Variants in FAM13B observed in about 807,000 individuals in gnomAD.
FAM13B encodes family with sequence similarity 13 member B, also known as protein FAM13B.
A neutral mutation model predicts 117.3 loss-of-function variants in FAM13B; 60 were observed. The ratio of observed to expected loss-of-function variants is 0.51; its 90% CI spans 0.42 to 0.63. The LOEUF is 0.63. Among genes scored for constraint, FAM13B ranks in the 30% least tolerant of loss-of-function variants. FAM13B has a pLI of 0.00. For missense variants in FAM13B, 972 were observed against 1,091.9 expected, an observed-to-expected ratio of 0.89 and a Z score of 1.55; for synonymous variants, 332 against 356.1, an observed-to-expected ratio of 0.93 and a Z score of 0.76.
Position 137,939,872 on chromosome 5 carries a change from A to G in FAM13B, c.*353T>C. 1 of 1,331,280 alleles carries G rather than the reference A, an allele frequency of 7.5e-7. No individual in the cohort carries two copies. The highest frequency in any genetic ancestry group is 2.3e-5 in the South Asian group (1 of 44,442). 82.5% of individuals were successfully genotyped at this position (1,331,280 alleles called of 1,614,324 possible). A position where few individuals can be genotyped will look rare whatever the true frequency, so the allele number is the denominator to read the frequency against. On this transcript the variant is annotated 3_prime_UTR_variant, in exon 24 of 24. Coordinates refer to ENST00000689681, the MANE Select transcript of FAM13B (RefSeq NM_001385994.1). The stretch of plus-strand genomic sequence containing the variant: ...CAATTTTCTTCAGTAATGAGAAACA[A>G]AAAGTTGGTAATAACAAAAAGCTTG...
In FAM13B at chr5:138,011,778, C is replaced by T. The variant is rs1012465417; in HGVS notation, c.538G>A (p.Asp180Asn). 11 of 1,609,656 alleles carry T rather than the reference C, an allele frequency of 6.8e-6. No homozygotes were observed. Among genetic ancestry groups the T allele is most frequent in the Non-Finnish European group, 9.3e-6 (11 of 1,178,582 alleles). Residue 180 changes from aspartate (D) to asparagine (N), a missense_variant, in exon 5 of 24, where the codon GAT becomes AAT. Transcript: ENST00000689681. ...TTTTAAACAACTTACTGGAAGACATCTGGACCAAAGACAGCAGCCAAAGAA... is the reference window on the plus strand; with the variant it reads ...TTTTAAACAACTTACTGGAAGACATTTGGACCAAAGACAGCAGCCAAAGAA... ...ANSLAAVFGP[D>N]VFHIYTDVED...
At chr5:138,051,625 G>A (rs4835665) in intron 1 of FAM13B, among the ~76,000 whole-genome samples, 111,983 of 152,058 alleles carry the variant, frequency 0.74, 41,926 homozygotes, top group East Asian at 0.97. Context: ...TGATTGCAAC[G>A]TCTTCATTTT....
At chr5:138,037,190 C>A (rs1194102569), upstream of FAM13B, 1 of 161,180 alleles carries the variant, frequency 6.2e-6, no homozygotes, top group East Asian at 1.8e-4. Flanking sequence ...TGAGAAGTGA[C>A]TGGTATAGAC....
chr5:137,946,342 C>CAAAAAAAAAAAAACAAAAAAAA, intron 18 of FAM13B, 31 bp from the exon 19 acceptor site: 2 of 919,174 alleles, frequency 2.2e-6, no homozygotes, highest in South Asian at 2.2e-5. Flanking sequence ...TAACAAAATA[C>CAAAAAAAAAAAAACAAAAAAAA]AAAAAAAAAA....
At chr5:137,981,408 C>G (rs1775715199) in intron 10 of FAM13B, among the ~76,000 whole-genome samples, 1 of 152,004 alleles carries the variant, frequency 6.6e-6, no homozygotes, top group Non-Finnish European at 1.5e-5. Flanking sequence ...GATCATACCA[C>G]TGCACTCCAG....
In FAM13B at chr5:138,007,280, T is replaced by C. The variant is rs532397700; in HGVS notation, c.691-133A>G. On this transcript the variant is annotated intron_variant, in intron 6 of 23. Transcript: ENST00000689681. Reference sequence around the variant, plus strand: ...CCTCATTTCCTAGGACCAATCTCTCTTATGGAGTAAGTAACTGTCAACTTT... The same window carrying C: ...CCTCATTTCCTAGGACCAATCTCTCCTATGGAGTAAGTAACTGTCAACTTT... 89 of 648,594 alleles carry C rather than the reference T, an allele frequency of 1.4e-4. 1 individual carries two copies. The highest frequency in any genetic ancestry group is 8.3e-4 in the Middle Eastern group (2 of 2,400). 40.2% of individuals were successfully genotyped at this position (648,594 alleles called of 1,614,324 possible).
chr5:138,047,256 C>T (rs1030568306), intron 1 of FAM13B, among the ~76,000 whole-genome samples: 10 of 151,314 alleles, frequency 6.6e-5, no homozygotes, highest in African/African-American at 2.2e-4. Context: ...CCTGTAATCT[C>T]AGCACTTTGG....
intron 22 of FAM13B, chr5:137,942,593 C>A (rs1029511123): frequency 1.4e-5 from 5 of 351,856 alleles, no homozygotes; most frequent in Non-Finnish European, 2.0e-5. Flanking sequence ...GAACTCCTGG[C>A]CTCAAGGGAT....
intron 4 of FAM13B, among the ~76,000 whole-genome samples, chr5:138,016,950 T>G (rs1785403337): frequency 6.6e-6 from 1 of 152,190 alleles, no homozygotes; most frequent in Admixed American, 6.5e-5. Context: ...AAATGCAAAA[T>G]GCTTATTATG....
intron 10 of FAM13B, among the ~76,000 whole-genome samples, chr5:137,981,224 C>T (rs1775653694): frequency 6.6e-6 from 1 of 151,720 alleles, no homozygotes; most frequent in African/African-American, 2.4e-5. Flanking sequence ...AGGCATGAGC[C>T]ACTGTGAGTA....
chr5:137,939,948 A>G lies in FAM13B; in HGVS notation c.*277T>C. The G allele has an allele frequency of 1.4e-6, 2 of 1,379,910 alleles. No individual in the cohort carries two copies. The highest frequency in any genetic ancestry group is 6.7e-5 in the Admixed American group (2 of 29,992). The allele number at this position is 1,379,910 out of a possible 1,614,324, so 85.5% of individuals were successfully genotyped here. Reference sequence around the variant, plus strand: ...AGGATAAAATTCCAGTCTTTTGCTAAAAGGATGTATCTGTAGTACAAAACA... The same window carrying G: ...AGGATAAAATTCCAGTCTTTTGCTAGAAGGATGTATCTGTAGTACAAAACA... On this transcript the variant is annotated 3_prime_UTR_variant, in exon 24 of 24. Transcript: ENST00000689681.
upstream of FAM13B, chr5:138,033,123 C>G (rs1581318651): frequency 7.3e-4 from 68 of 92,914 alleles, no homozygotes; most frequent in Non-Finnish European, 1.3e-3. Flanking sequence ...TGGGAGGGGG[C>G]GGGGCAGGCC....
chr5:137,991,948 G>T (rs1345777475), intron 7 of FAM13B, among the ~76,000 whole-genome samples: 1 of 152,068 alleles, frequency 6.6e-6, no homozygotes, highest in Non-Finnish European at 1.5e-5. Context: ...TTGAGACAGG[G>T]TCTCACTTTG....
At chr5:137,960,070 A>C in intron 12 of FAM13B, 96 bp downstream of exon 12, 6 of 792,738 alleles carry the variant, frequency 7.6e-6, no homozygotes, top group Non-Finnish European at 1.2e-5. Flanking sequence ...ATTTATATTT[A>C]AATCTTTAAA....
chr5:138,014,192 C>T (rs1288706985), intron 4 of FAM13B, among the ~76,000 whole-genome samples: 2 of 152,258 alleles, frequency 1.3e-5, no homozygotes, highest in East Asian at 3.8e-4. Context: ...CCGCCTCAGC[C>T]TCCCAAAGTG....
At chr5:137,978,219 T>A (rs1231041265) in intron 10 of FAM13B, among the ~76,000 whole-genome samples, 1 of 152,216 alleles carries the variant, frequency 6.6e-6, no homozygotes, top group Non-Finnish European at 1.5e-5. Flanking sequence ...GTTTCCCATT[T>A]TTTTTTCCGA....
intron 10 of FAM13B, among the ~76,000 whole-genome samples, chr5:137,981,488 T>C (rs1380806394): frequency 6.6e-6 from 1 of 151,558 alleles, no homozygotes; most frequent in Non-Finnish European, 1.5e-5. Flanking sequence ...TATAACACTA[T>C]CTAAAGTGGG....
chr5:137,962,587 C>A, intron 10 of FAM13B, 118 bp from the exon 11 acceptor site: 1 of 781,572 alleles, frequency 1.3e-6, no homozygotes, highest in Non-Finnish European at 2.1e-6. Flanking sequence ...AATTAGCTAT[C>A]ATTTATAATA....
chr5:137,961,979 G>C (rs1768247724), intron 11 of FAM13B, among the ~76,000 whole-genome samples: 2 of 152,132 alleles, frequency 1.3e-5, no homozygotes, highest in South Asian at 4.1e-4. Context: ...AGTGTACTGA[G>C]ACACACCAAG....
Sources: allele counts gnomAD v4.1 joint callset (sites outside exome capture counted in the v4.1 genomes callset), GRCh38; gene constraint gnomAD v4.1.1; transcripts MANE v1.5; gene names NCBI Gene and HGNC (gene_info 2026-07-23, HGNC 2026-07-21).